The following TRPC6 variants were observed in gnomAD, a reference collection of about 807,000 sequenced individuals.
TRPC6 encodes transient receptor potential cation channel subfamily C member 6, also known as short transient receptor potential channel 6.
TRPC6 carries 55 observed loss-of-function variants against 90.7 expected under a neutral mutation model. The observed-to-expected ratio is 0.61, with a 90% CI of 0.49 to 0.76. The LOEUF (loss-of-function observed/expected upper bound fraction) is 0.76. Ranked by LOEUF, TRPC6 falls within the 30% of genes least tolerant of loss-of-function variation. The pLI is 0.00. For missense variants in TRPC6, 989 were observed against 1,122.7 expected (o/e 0.88, Z 1.70); for synonymous variants, 393 against 393.0 (o/e 1.00, Z 0.00).
intron 1 of TRPC6, 104 bp downstream of exon 1, chr11:101,583,230 A>C (rs1338606985): frequency 4.1e-6 from 6 of 1,477,570 alleles, no homozygotes; most frequent in East Asian, 5.0e-5. Context: ...GGAGGTACAC[A>C]CGCGGGTTCA....
At chr11:101,576,849 G>A (rs1039267577) in intron 1 of TRPC6, among the ~76,000 whole-genome samples, 2 of 152,142 alleles carry the variant, frequency 1.3e-5, no homozygotes, top group African/African-American at 2.4e-5. Flanking sequence ...TTTTGTTACA[G>A]AATAAATGTG....
In TRPC6 at chr11:101,471,244, C is replaced by T. The variant is rs1859285486; in HGVS notation, c.2348G>A (p.Trp783Ter). The T allele has an allele frequency of 6.2e-7, 1 of 1,613,808 alleles. No homozygotes were observed. Among genetic ancestry groups the T allele is most frequent in the African/African-American group, 1.3e-5 (1 of 74,876 alleles). ...ATGGCCCTGGAACAGCTCAGAAATC[C>T]ATTTTTTAAGCTTCAGTAAGAGATA... is the stretch of plus-strand genomic sequence containing the variant. Reference protein sequence around the residue: ...LFYLLLKLKKWISELFQGHKK... With the variant: ...LFYLLLKLKK The change falls in exon 9 of 13, where the codon TGG becomes TAG. Residue 783 changes from tryptophan (W) to a stop codon, truncating the protein, a stop_gained. Transcript: ENST00000344327. LOFTEE classifies it high-confidence loss of function.
At chr11:101,564,110 A>T (rs551817356) in intron 1 of TRPC6, among the ~76,000 whole-genome samples, 1 of 151,888 alleles carries the variant, frequency 6.6e-6, no homozygotes, top group African/African-American at 2.4e-5. Flanking sequence ...AATGAGTTTT[A>T]TTATCTGTGA....
At chr11:101,490,345 TC>T (rs1217421783) in intron 3 of TRPC6, among the ~76,000 whole-genome samples, 2 of 152,222 alleles carry the variant, frequency 1.3e-5, no homozygotes, top group African/African-American at 4.8e-5. Flanking sequence ...TATTCTCCAT[TC>T]AGAACTGGAA....
At chr11:101,482,865 T>A in intron 5 of TRPC6, 84 bp downstream of exon 5, 1 of 1,335,978 alleles carries the variant, frequency 7.5e-7, no homozygotes, top group Admixed American at 1.7e-5. Context: ...TACATTTGTA[T>A]AACTGATGTG....
intron 1 of TRPC6, among the ~76,000 whole-genome samples, chr11:101,520,777 G>C (rs762255528): frequency 6.6e-6 from 1 of 151,772 alleles, no homozygotes; most frequent in Non-Finnish European, 1.5e-5. Context: ...TTTGCTATGC[G>C]TTTGCAAAGA....
At chr11:101,559,211 T>C (rs1369333258) in intron 1 of TRPC6, among the ~76,000 whole-genome samples, 1 of 151,874 alleles carries the variant, frequency 6.6e-6, no homozygotes, top group Non-Finnish European at 1.5e-5. Context: ...ACATAGACAT[T>C]TCTCAAAAGA....
chr11:101,472,321 C>G lies in TRPC6; in HGVS notation c.2021G>C (p.Ser674Thr). 6.2e-7 allele frequency: 1 copy of G among 1,612,236 alleles called. No individual in the cohort carries two copies. The highest frequency in any genetic ancestry group is 8.5e-7 in the Non-Finnish European group (1 of 1,179,234). ...QNEAFTTVEESFKTLFWAIFG... is the reference protein window; with the variant it reads ...QNEAFTTVEETFKTLFWAIFG... ...TATAGCCCAGAACAGTGTCTTAAAA[C>G]TCTCTTCAACTCTGGGGAAAAAATA... Residue 674 changes from serine to threonine, a missense_variant, in exon 8 of 13, where the codon AGT becomes ACT. Ser to Thr is a moderately conservative substitution (Grantham distance 58). Around this residue, in one of 4 missense-constraint regions of TRPC6, gnomAD observed 118 missense variants for 197.6 expected, o/e 0.60. Transcript: ENST00000344327.
chr11:101,453,115 G>GCAAGAGTGATAAGAAGTCAACTATAAATA lies in TRPC6; in HGVS notation c.2645-38_2645-10dup. ...AATTTCCTTCAGTTCCCCTTTGAAA[G>GCAAGAGTGATAAGAAGTCAACTATAAATA]CAAGAGTGATAAGAAGTCAACTATA... On this transcript the variant is annotated splice_polypyrimidine_tract_variant and intron_variant, in intron 12 of 12. Coordinates refer to ENST00000344327, the MANE Select transcript of TRPC6 (RefSeq NM_004621.6). 6.3e-7 allele frequency: 1 copy of GCAAGAGTGATAAGAAGTCAACTATAAATA among 1,594,164 alleles called. No homozygotes were observed.
chr11:101,473,899 T>C, intron 6 of TRPC6, 126 bp from the exon 7 acceptor site: 1 of 1,307,840 alleles, frequency 7.6e-7, no homozygotes, highest in Non-Finnish European at 1.1e-6. Flanking sequence ...TCTCCTATCT[T>C]AAAGGGCTTC....
chr11:101,575,618 T>G (rs2136896356), intron 1 of TRPC6, among the ~76,000 whole-genome samples: 1 of 152,300 alleles, frequency 6.6e-6, no homozygotes, highest in Non-Finnish European at 1.5e-5. Context: ...ATCTAGCTAT[T>G]ATTTCTATTC....
At chr11:101,529,373 AG>A (rs1860856485) in intron 1 of TRPC6, among the ~76,000 whole-genome samples, 1 of 152,212 alleles carries the variant, frequency 6.6e-6, no homozygotes, top group Non-Finnish European at 1.5e-5. Flanking sequence ...CACTCCCCTA[AG>A]GGAAACAGGA....
chr11:101,503,477 C>T (rs1162923177), intron 2 of TRPC6, among the ~76,000 whole-genome samples: 1 of 152,168 alleles, frequency 6.6e-6, no homozygotes, highest in Non-Finnish European at 1.5e-5. Flanking sequence ...TGAACTTCTA[C>T]AGTATGTTGC....
At position 101,532,529 on chromosome 11, in the gene TRPC6, GAAC is replaced by G. The variant is rs796449121; in HGVS notation, c.171-27734_171-27732del. Among the ~76,000 whole-genome samples the G allele has an allele frequency of 2.4e-4, 37 of 152,264 alleles. 1 individual carries two copies. The highest frequency in any genetic ancestry group is 8.2e-4 in the African/African-American group (34 of 41,556). Reference sequence around the variant, plus strand: ...GAGGGTCACTCATAGCATGGCATGAGAACAACTGAAAGATGCATGGCCTGTTCA... The same window carrying G: ...GAGGGTCACTCATAGCATGGCATGAGAACTGAAAGATGCATGGCCTGTTCA... On this transcript the variant is annotated intron_variant, in intron 1 of 12. Transcript: ENST00000344327.
intron 10 of TRPC6, chr11:101,455,409 TCAAA>T: frequency 3.6e-6 from 1 of 277,272 alleles, no homozygotes; most frequent in East Asian, 8.7e-5. Context: ...AGAGAAAGAG[TCAAA>T]CAAATTGAGG....
chr11:101,571,470 A>G (rs1204141834), intron 1 of TRPC6, among the ~76,000 whole-genome samples: 1 of 152,354 alleles, frequency 6.6e-6, no homozygotes, highest in African/African-American at 2.4e-5. Flanking sequence ...ATTCAATGCT[A>G]TCCCCATCAA....
chr11:101,556,041 A>C (rs1283640837), intron 1 of TRPC6, among the ~76,000 whole-genome samples: 1 of 152,200 alleles, frequency 6.6e-6, no homozygotes, highest in Non-Finnish European at 1.5e-5. Flanking sequence ...GAAACACAAT[A>C]TACCAAAACT....
intron 5 of TRPC6, 137 bp from the exon 6 acceptor site, chr11:101,476,671 A>G: frequency 1.4e-6 from 1 of 732,076 alleles, no homozygotes; most frequent in Non-Finnish European, 2.4e-6. Flanking sequence ...CCGTCCCACC[A>G]TAATTCCCAT....
At chr11:101,496,019 G>A (rs2136717328) in intron 2 of TRPC6, among the ~76,000 whole-genome samples, 1 of 152,166 alleles carries the variant, frequency 6.6e-6, no homozygotes, top group East Asian at 1.9e-4. Flanking sequence ...GAGGCCTCAG[G>A]AAACTTACAA....
Sources: gnomAD v4.1 joint callset for allele counts (sites outside exome capture counted in the v4.1 genomes callset) on GRCh38, gnomAD v4.1.1 for gene constraint, gnomAD v4.1.1 regional missense constraint, MANE v1.5 for transcripts, NCBI Gene and HGNC (gene_info 2026-07-23, HGNC 2026-07-21) for gene names.